The following DAB1 variants were observed in gnomAD, a reference collection of about 807,000 sequenced individuals.
The protein encoded by DAB1 is DAB adaptor protein 1, also known as disabled homolog 1.
A neutral mutation model predicts 64.6 loss-of-function variants in DAB1; 15 were observed. That is an observed-to-expected ratio of 0.23 (90% CI 0.16 to 0.36). DAB1 has a LOEUF of 0.36. DAB1 is among the 10% of genes least tolerant of loss of function. The pLI, the probability that DAB1 is intolerant of heterozygous loss-of-function variation, is 1.00. For synonymous variants in DAB1, 235 were observed against 251.9 expected, an observed-to-expected ratio of 0.93 and a Z score of 0.64; for missense variants, 596 against 706.7, an observed-to-expected ratio of 0.84 and a Z score of 1.78.
chr1:57,905,432 C>T (rs147048092), intron 5 of DAB1, among the ~76,000 whole-genome samples: 48 of 151,880 alleles, frequency 3.2e-4, no homozygotes, highest in African/African-American at 9.2e-4. Context: ...ATGGAGTGAG[C>T]GGTTGAATGA....
rs527534530 is a variant in DAB1, at chr1:57,156,937, T to C, written c.68-11508A>G. Among the ~76,000 whole-genome samples, 3 of 152,292 alleles carry C rather than the reference T, an allele frequency of 2.0e-5. No individual in the cohort carries two copies. The East Asian group carries it at 5.8e-4, about 29-fold the overall frequency. ...AAGCAGCAGAAGTCTCTGCCAATGT[T>C]GAGGTCCCAGAATGGGAGTCACCTT... On this transcript the variant is annotated intron_variant, in intron 2 of 14. Coordinates refer to ENST00000371236, the MANE Select transcript of DAB1 (RefSeq NM_001365792.1).
At chr1:57,364,280 A>G (rs1395393058) in intron 1 of DAB1, among the ~76,000 whole-genome samples, 5 of 152,194 alleles carry the variant, frequency 3.3e-5, no homozygotes, top group Admixed American at 2.6e-4. Context: ...AGAGAGTATT[A>G]AAGAACCAGT....
intron 7 of DAB1, among the ~76,000 whole-genome samples, chr1:57,454,602 T>C (rs774310576): frequency 3.3e-5 from 5 of 152,096 alleles, no homozygotes; most frequent in Admixed American, 6.6e-5. Context: ...AATAAACCCA[T>C]GTGACACGAG....
chr1:57,932,679 A>G (rs1644970705), intron 5 of DAB1, among the ~76,000 whole-genome samples: 1 of 152,118 alleles, frequency 6.6e-6, no homozygotes, highest in Non-Finnish European at 1.5e-5. Context: ...TCCCTTTACT[A>G]TTATGTAATG....
chr1:57,868,278 G>A (rs1199934403), intron 1 of DAB1, among the ~76,000 whole-genome samples: 1 of 151,972 alleles, frequency 6.6e-6, no homozygotes, highest in African/African-American at 2.4e-5. Context: ...AACCAGGGGT[G>A]GTAGGAGAGC....
At chr1:57,446,598 C>CTCAA (rs1558388866) in intron 7 of DAB1, among the ~76,000 whole-genome samples, 1 of 132,800 alleles carries the variant, frequency 7.5e-6, no homozygotes, top group Non-Finnish European at 1.6e-5. Flanking sequence ...AACTCCGTTG[C>CTCAA]AAAAAAAAAA....
chr1:57,624,506 C>T (rs1016778738), intron 7 of DAB1, among the ~76,000 whole-genome samples: 4 of 152,202 alleles, frequency 2.6e-5, no homozygotes, highest in African/African-American at 7.2e-5. Flanking sequence ...TTATACCCAA[C>T]TTGAAATGAG....
intron 2 of DAB1, among the ~76,000 whole-genome samples, chr1:57,198,690 C>CA (rs1553155120): frequency 1.6e-3 from 231 of 140,586 alleles, no homozygotes; most frequent in African/African-American, 5.8e-3. Flanking sequence ...CACACACACA[C>CA]CCATCAACTT....
chr1:57,145,398 C>T lies in DAB1; in HGVS notation c.99G>A (p.Lys33=), dbSNP rs146307511. 41 of 1,613,940 alleles carry T rather than the reference C, an allele frequency of 2.5e-5. No individual in the cohort carries two copies. The highest frequency in any genetic ancestry group is 3.2e-5 in the Non-Finnish European group (38 of 1,179,958). Residue 33 remains lysine (K), a synonymous_variant, in exon 3 of 15, where the codon AAG becomes AAA. Coordinates refer to ENST00000371236, the MANE Select transcript of DAB1 (RefSeq NM_001365792.1). The part of the protein sequence containing the change: ...GQDRSEATLI[K]RFKGEGVRYK... The stretch of plus-strand genomic sequence containing the variant: ...ACCGGACCCCTTCACCTTTAAACCT[C>T]TTTATCAAAGTGGCTTCACTGCGAT...
At chr1:57,746,542 A>T (rs1648278371) in intron 6 of DAB1, among the ~76,000 whole-genome samples, 2 of 152,274 alleles carry the variant, frequency 1.3e-5, no homozygotes, top group South Asian at 2.1e-4. Flanking sequence ...TTTTTTAAAT[A>T]TAGTTCTCCC....
intron 4 of DAB1, among the ~76,000 whole-genome samples, chr1:58,264,656 G>T (rs1223456652): frequency 2.0e-5 from 3 of 152,196 alleles, no homozygotes; most frequent in African/African-American, 7.2e-5. Context: ...AAAGAAATGA[G>T]GAAGTGGTGA....
chr1:58,296,402 C>T (rs988875368), intron 4 of DAB1, among the ~76,000 whole-genome samples: 5 of 151,850 alleles, frequency 3.3e-5, no homozygotes, highest in African/African-American at 7.3e-5. Flanking sequence ...AAAGGCTATG[C>T]GCAGAAACAT....
Position 57,449,927 on chromosome 1 carries a change from G to A in DAB1, n.626-158761C>T, listed in dbSNP as rs112442946. On this transcript the variant is annotated intron_variant and non_coding_transcript_variant, in intron 7 of 20. Coordinates refer to the DAB1 transcript ENST00000485760. Reference sequence around the variant, plus strand: ...GAGCATTAACTATATAGCAGGCTCTGTATCCAGCCACTGGTGATATAATAG... The same window carrying A: ...GAGCATTAACTATATAGCAGGCTCTATATCCAGCCACTGGTGATATAATAG... 8.2e-3 allele frequency among the ~76,000 whole-genome samples: 1,252 copies of A among 152,292 alleles called. 16 individuals carry two copies. The highest frequency in any genetic ancestry group is 0.022 in the African/African-American group (925 of 41,560).
At chr1:58,276,363 T>G (rs549706672) in intron 4 of DAB1, among the ~76,000 whole-genome samples, 7 of 152,336 alleles carry the variant, frequency 4.6e-5, no homozygotes, top group Admixed American at 1.3e-4. Context: ...AAAAGCAATG[T>G]GGCCTCTTTT....
At chr1:57,980,951 A>T (rs1646051600) in intron 5 of DAB1, among the ~76,000 whole-genome samples, 1 of 151,260 alleles carries the variant, frequency 6.6e-6, no homozygotes, top group Admixed American at 6.6e-5. Flanking sequence ...ATAGATAAAC[A>T]TATATATATA....
intron 5 of DAB1, among the ~76,000 whole-genome samples, chr1:58,126,254 C>T (rs1409468774): frequency 2.6e-5 from 4 of 152,166 alleles, no homozygotes; most frequent in South Asian, 4.2e-4. Flanking sequence ...TAACAGGAAA[C>T]GAAGAAGGGA....
At chr1:57,540,859 G>T (rs1416350131) in intron 7 of DAB1, among the ~76,000 whole-genome samples, 1 of 152,094 alleles carries the variant, frequency 6.6e-6, no homozygotes, top group Non-Finnish European at 1.5e-5. Context: ...GTGGGTTGAT[G>T]GGTCCAAACA....
intron 3 of DAB1, among the ~76,000 whole-genome samples, chr1:58,423,311 A>G (rs1644790652): frequency 6.6e-6 from 1 of 152,204 alleles, no homozygotes; most frequent in Non-Finnish European, 1.5e-5. Context: ...GAGCCTTGCC[A>G]AGTCCAATAT....
intron 6 of DAB1, among the ~76,000 whole-genome samples, chr1:57,801,965 A>G (rs1175310094): frequency 6.6e-6 from 1 of 152,174 alleles, no homozygotes; most frequent in Non-Finnish European, 1.5e-5. Flanking sequence ...GCAGAATATT[A>G]TAAGAGTATT....
Sources: gnomAD v4.1 joint callset for allele counts (sites outside exome capture counted in the v4.1 genomes callset) on GRCh38, gnomAD v4.1.1 for gene constraint, MANE v1.5 for transcripts, NCBI Gene and HGNC (gene_info 2026-07-23, HGNC 2026-07-21) for gene names.